Variants in ANKS1B observed in about 807,000 individuals in gnomAD.
ANKS1B encodes the protein ankyrin repeat and sterile alpha motif domain-containing protein 1B.
ANKS1B carries 36 observed loss-of-function variants against 148.3 expected under a neutral mutation model. That is an observed-to-expected ratio of 0.24 (90% CI 0.19 to 0.32). The LOEUF (loss-of-function observed/expected upper bound fraction) is 0.32, where lower values mean the gene tolerates loss of function less well. ANKS1B is among the 10% of genes least tolerant of loss of function. ANKS1B has a pLI of 1.00. For synonymous variants in ANKS1B, 542 were observed against 560.8 expected, an observed-to-expected ratio of 0.97 and a Z score of 0.47; for missense variants, 1,157 against 1,542.6, an observed-to-expected ratio of 0.75 and a Z score of 4.19.
At chr12:99,789,270 T>C (rs1047204122) in intron 4 of ANKS1B, among the ~76,000 whole-genome samples, 2 of 152,174 alleles carry the variant, frequency 1.3e-5, no homozygotes, top group Admixed American at 6.5e-5. Flanking sequence ...GCAATACCTC[T>C]ATGAGTCTGC....
intron 10 of ANKS1B, among the ~76,000 whole-genome samples, chr12:99,493,201 C>T (rs1184846874): frequency 6.6e-6 from 1 of 152,140 alleles, no homozygotes; most frequent in African/African-American, 2.4e-5. Flanking sequence ...TTAAATATTA[C>T]AATGTATAAG....
chr12:99,525,026 A>G (rs2096912795), intron 9 of ANKS1B, among the ~76,000 whole-genome samples: 1 of 152,182 alleles, frequency 6.6e-6, no homozygotes, highest in Non-Finnish European at 1.5e-5. Context: ...GAGCCTCCAG[A>G]AAGGAAAGCA....
chr12:99,258,785 T>A (rs1179860699), intron 12 of ANKS1B, among the ~76,000 whole-genome samples: 1 of 152,160 alleles, frequency 6.6e-6, no homozygotes, highest in Non-Finnish European at 1.5e-5. Flanking sequence ...TATGTAGAAC[T>A]GACATTCCCT....
intron 12 of ANKS1B, among the ~76,000 whole-genome samples, chr12:99,334,589 T>C (rs778052427): frequency 3.3e-5 from 5 of 152,066 alleles, no homozygotes; most frequent in African/African-American, 2.4e-5. Context: ...CACACCACCA[T>C]AGAAATGCAC....
intron 17 of ANKS1B, among the ~76,000 whole-genome samples, chr12:98,975,787 TGAGA>T: frequency 6.7e-6 from 1 of 150,250 alleles, no homozygotes; most frequent in South Asian, 2.1e-4. Flanking sequence ...ACACCTGCAG[TGAGA>T]GAGAGAGAGA....
intron 17 of ANKS1B, among the ~76,000 whole-genome samples, chr12:98,872,189 A>G (rs2099672402): frequency 6.6e-6 from 1 of 152,218 alleles, no homozygotes; most frequent in Non-Finnish European, 1.5e-5. Context: ...CATATGTTGA[A>G]GCCCTAATTC....
intron 22 of ANKS1B, among the ~76,000 whole-genome samples, chr12:98,797,706 A>C (rs1416029381): frequency 3.3e-5 from 5 of 152,196 alleles, no homozygotes; most frequent in Non-Finnish European, 7.3e-5. Flanking sequence ...TACATATTGA[A>C]GTCTCAATTT....
chr12:99,151,661 G>A (rs562008552), intron 15 of ANKS1B, among the ~76,000 whole-genome samples: 28 of 152,260 alleles, frequency 1.8e-4, no homozygotes, highest in Admixed American at 6.5e-4. Flanking sequence ...TTGCATTTAT[G>A]TGTGAGAGTA....
At chr12:99,466,558 G>A (rs894043826) in intron 10 of ANKS1B, among the ~76,000 whole-genome samples, 1 of 150,248 alleles carries the variant, frequency 6.7e-6, no homozygotes, top group Non-Finnish European at 1.5e-5. Context: ...TAATAAAGAA[G>A]AAAAGAGAGA....
chr12:98,827,202 T>C (rs562737900), intron 19 of ANKS1B, among the ~76,000 whole-genome samples: 80 of 152,282 alleles, frequency 5.3e-4, no homozygotes, highest in Non-Finnish European at 9.3e-4. Flanking sequence ...AGAATCCCTT[T>C]TTCTCATTGA....
chr12:99,912,225 T>C (rs2094027225), intron 1 of ANKS1B, among the ~76,000 whole-genome samples: 1 of 152,230 alleles, frequency 6.6e-6, no homozygotes, highest in Non-Finnish European at 1.5e-5. Context: ...AGAGATTCAC[T>C]GGTGCTTTCT....
At chr12:99,422,217 A>G (rs2095109949) in intron 11 of ANKS1B, among the ~76,000 whole-genome samples, 1 of 152,230 alleles carries the variant, frequency 6.6e-6, no homozygotes, top group South Asian at 2.1e-4. Context: ...CACAGATAAG[A>G]CAGCACAAAA....
At chr12:99,022,059 T>C (rs1368004514) in intron 17 of ANKS1B, among the ~76,000 whole-genome samples, 3 of 152,194 alleles carry the variant, frequency 2.0e-5, no homozygotes, top group East Asian at 3.8e-4. Context: ...TCTTTTGAAC[T>C]CTACCTAGAC....
At chr12:99,782,150 A>G in intron 4 of ANKS1B, 53 bp from the exon 5 acceptor site, 2 of 1,396,484 alleles carry the variant, frequency 1.4e-6, no homozygotes, top group Non-Finnish European at 2.0e-6. Flanking sequence ...TGGAATGCTT[A>G]CAGGTTGAAA....
intron 17 of ANKS1B, among the ~76,000 whole-genome samples, chr12:98,968,744 G>T (rs1168398640): frequency 3.4e-5 from 5 of 148,238 alleles, no homozygotes; most frequent in Non-Finnish European, 6.0e-5. Flanking sequence ...AAATTTGTTG[G>T]ACCATCAGAA....
chr12:99,932,846 C>G (rs997834098), intron 1 of ANKS1B, among the ~76,000 whole-genome samples: 1 of 152,142 alleles, frequency 6.6e-6, no homozygotes, highest in Non-Finnish European at 1.5e-5. Flanking sequence ...TTTGCCCAGT[C>G]CAATGTCCTG....
intron 17 of ANKS1B, among the ~76,000 whole-genome samples, chr12:99,003,851 G>C (rs1294700344): frequency 1.3e-5 from 2 of 152,184 alleles, no homozygotes; most frequent in East Asian, 3.9e-4. Flanking sequence ...ATTTTGCCTT[G>C]TTGCCTTCCA....
At chr12:98,743,487 C>A (rs2097821204), downstream of ANKS1B, among the ~76,000 whole-genome samples, 1 of 152,182 alleles carries the variant, frequency 6.6e-6, no homozygotes, top group South Asian at 2.1e-4. Context: ...CAATTTTCCC[C>A]TTGAAGAAAA....
intron 15 of ANKS1B, among the ~76,000 whole-genome samples, chr12:99,136,209 A>G (rs2067993938): frequency 6.6e-6 from 1 of 152,194 alleles, no homozygotes; most frequent in African/African-American, 2.4e-5. Flanking sequence ...GCCTCTCAGG[A>G]CCCAGGTATG....
Sources: gnomAD v4.1 joint callset for allele counts (sites outside exome capture counted in the v4.1 genomes callset) on GRCh38, gnomAD v4.1.1 for gene constraint, MANE v1.5 for transcripts, NCBI Gene and HGNC (gene_info 2026-07-23, HGNC 2026-07-21) for gene names.